The following FNDC3A variants were observed in gnomAD, a reference collection of about 807,000 sequenced individuals.
FNDC3A encodes the protein fibronectin type-III domain-containing protein 3A.
Under a neutral mutation model 148.9 loss-of-function variants are expected in FNDC3A, and 32 were observed. That is an observed-to-expected ratio of 0.21 (90% confidence interval 0.16 to 0.29). The LOEUF (loss-of-function observed/expected upper bound fraction) is 0.29. Ranked by LOEUF, FNDC3A falls within the 10% of genes least tolerant of loss-of-function variation. FNDC3A has a pLI of 1.00. For synonymous variants in FNDC3A, 472 were observed against 473.6 expected (o/e 1.00, Z 0.04); for missense variants, 1,191 against 1,452.8 (o/e 0.82, Z 2.93).
intron 8 of FNDC3A, among the ~76,000 whole-genome samples, chr13:49,164,578 C>T (rs577763016): frequency 1.3e-5 from 2 of 152,098 alleles, no homozygotes; most frequent in Admixed American, 1.3e-4. Flanking sequence ...TCATATGTCA[C>T]ATAGGCTTTG....
At chr13:49,037,308 G>A (rs540367935) in intron 2 of FNDC3A, among the ~76,000 whole-genome samples, 6 of 152,158 alleles carry the variant, frequency 3.9e-5, no homozygotes, top group Non-Finnish European at 7.3e-5. Flanking sequence ...CCCCATGAAT[G>A]CTGAAGTAAT....
chr13:49,102,703 A>G (rs959951878), intron 3 of FNDC3A, among the ~76,000 whole-genome samples: 6 of 152,128 alleles, frequency 3.9e-5, no homozygotes, highest in African/African-American at 1.4e-4. Flanking sequence ...GTGTCAAACA[A>G]TTTTTCTATA....
intron 8 of FNDC3A, among the ~76,000 whole-genome samples, chr13:49,153,045 G>T (rs1883416197): frequency 6.6e-6 from 1 of 151,716 alleles, no homozygotes; most frequent in Non-Finnish European, 1.5e-5. Context: ...GTAATGGGAT[G>T]GCTGGGTCAA....
At chr13:49,015,816 T>C (rs1176872149) in intron 2 of FNDC3A, among the ~76,000 whole-genome samples, 3 of 151,476 alleles carry the variant, frequency 2.0e-5, no homozygotes, top group African/African-American at 7.3e-5. Flanking sequence ...GCATGAAGCG[T>C]TGTTGAATTT....
chr13:49,158,168 G>A (rs1883838099), intron 8 of FNDC3A, among the ~76,000 whole-genome samples: 1 of 152,184 alleles, frequency 6.6e-6, no homozygotes, highest in Admixed American at 6.5e-5. Flanking sequence ...CTAGCAATCT[G>A]TGAGACTCCG....
intron 1 of FNDC3A, among the ~76,000 whole-genome samples, chr13:48,990,365 ACTGGAAGTGGTAACTAT>A (rs1951890426): frequency 6.6e-6 from 1 of 152,092 alleles, no homozygotes. Context: ...AGTTTAGAGT[ACTGGAAGTGGTAACTAT>A]CTGGGCAAAT....
At chr13:49,009,147 C>G (rs1039992542) in intron 2 of FNDC3A, among the ~76,000 whole-genome samples, 3 of 152,170 alleles carry the variant, frequency 2.0e-5, no homozygotes, top group Non-Finnish European at 4.4e-5. Context: ...TTTACTCCCC[C>G]CAAATCCTTG....
At chr13:49,096,226 G>A (rs1483856007) in intron 3 of FNDC3A, among the ~76,000 whole-genome samples, 1 of 152,070 alleles carries the variant, frequency 6.6e-6, no homozygotes, top group African/African-American at 2.4e-5. Context: ...TTGCAGGACA[G>A]GATTTCTTTA....
chr13:49,131,281 C>T lies in FNDC3A; in HGVS notation c.397C>T (p.Pro133Ser). The T allele has an allele frequency of 6.2e-7, 1 of 1,614,070 alleles. No homozygotes were observed. Among genetic ancestry groups the T allele is most frequent in the Non-Finnish European group, 8.5e-7 (1 of 1,180,008 alleles). Residue 133 changes from proline (P) to serine (S), a missense_variant, in exon 5 of 26, where the codon CCA (proline) becomes TCA (serine). Pro to Ser is a moderately conservative substitution (Grantham distance 74, BLOSUM62 -1). Coordinates refer to ENST00000492622, the MANE Select transcript of FNDC3A (RefSeq NM_001079673.2). ...TGTCCCAACTATGATGCCGCCTCCA[C>T]CACGTCATATGTACTCACCCGTGAC... is the stretch of plus-strand genomic sequence containing the variant. The part of the protein sequence containing the change: ...IPVPTMMPPP[P>S]RHMYSPVTGA...
At chr13:48,997,519 G>A (rs1190865246) in intron 1 of FNDC3A, among the ~76,000 whole-genome samples, 1 of 152,086 alleles carries the variant, frequency 6.6e-6, no homozygotes, top group African/African-American at 2.4e-5. Context: ...AGATAATTTG[G>A]CTTAGAGGAG....
chr13:49,016,262 T>A (rs1269413280), intron 2 of FNDC3A, among the ~76,000 whole-genome samples: 1 of 152,162 alleles, frequency 6.6e-6, no homozygotes, highest in Non-Finnish European at 1.5e-5. Context: ...AAGCTATTGA[T>A]TATTGCCACA....
intron 1 of FNDC3A, among the ~76,000 whole-genome samples, chr13:48,981,497 A>T (rs2137545401): frequency 6.6e-6 from 1 of 151,272 alleles, no homozygotes; most frequent in Non-Finnish European, 1.5e-5. Context: ...TTTTTTTAAG[A>T]CCAGAGTTCA....
intron 8 of FNDC3A, among the ~76,000 whole-genome samples, chr13:49,165,081 T>C (rs1307334769): frequency 6.6e-6 from 1 of 152,234 alleles, no homozygotes; most frequent in East Asian, 1.9e-4. Context: ...TTCTAAATTA[T>C]TTGTATTGCT....
chr13:49,087,166 A>G, intron 3 of FNDC3A, among the ~76,000 whole-genome samples: 1 of 152,130 alleles, frequency 6.6e-6, no homozygotes, highest in East Asian at 1.9e-4. Context: ...TGGAAGTATA[A>G]AATCTAAGCC....
chr13:49,110,284 T>C lies in FNDC3A; in HGVS notation c.176-4371T>C, dbSNP rs1880472763. On this transcript the variant is annotated intron_variant, in intron 3 of 25. Transcript: ENST00000492622. Reference sequence around the variant, plus strand: ...CACGTGACTCGGTCAAAGGATCTTTTCCTCTTACAGCCTTGCAAAAAAAAA... The same window carrying C: ...CACGTGACTCGGTCAAAGGATCTTTCCCTCTTACAGCCTTGCAAAAAAAAA... 1.2e-5 allele frequency: 17 copies of C among 1,474,800 alleles called. No homozygotes were observed. The South Asian group carries it at 2.3e-4, about 20-fold the overall frequency. The allele number at this position is 1,474,800 out of a possible 1,614,324, so 91.4% of individuals were successfully genotyped here. A position where few individuals can be genotyped will look rare whatever the true frequency, so the allele number is the denominator to read the frequency against.
intron 2 of FNDC3A, among the ~76,000 whole-genome samples, chr13:49,051,835 A>G (rs920524681): frequency 6.6e-6 from 1 of 152,184 alleles, no homozygotes; most frequent in African/African-American, 2.4e-5. Flanking sequence ...CGTTTAACAT[A>G]GTCCCAAACT....
intron 2 of FNDC3A, among the ~76,000 whole-genome samples, chr13:49,057,731 T>C (rs865902024): frequency 2.0e-5 from 3 of 152,324 alleles, no homozygotes; most frequent in Middle Eastern, 3.4e-3. Flanking sequence ...AATATCAAAC[T>C]AAGCATATAT....
rs536613348 is a variant in FNDC3A, at chr13:49,208,880, T to G, written c.*1485T>G. 1.3e-5 allele frequency: 2 copies of G among 152,712 alleles called. No individual in the cohort carries two copies. The highest frequency in any genetic ancestry group is 6.5e-5 in the Admixed American group (1 of 15,290). 9.5% of individuals were successfully genotyped at this position (152,712 alleles called of 1,614,324 possible). A position where few individuals can be genotyped will look rare whatever the true frequency, so the allele number is the denominator to read the frequency against. ...TCAGTCTTTGAAAAAAGAACGTATT[T>G]TTTGTGCTTTGAAGATCTCTGAAGA... On this transcript the variant is annotated 3_prime_UTR_variant, in exon 26 of 26. Coordinates refer to ENST00000492622, the MANE Select transcript of FNDC3A (RefSeq NM_001079673.2).
intron 2 of FNDC3A, among the ~76,000 whole-genome samples, chr13:49,029,523 A>G (rs902665141): frequency 1.3e-5 from 2 of 152,344 alleles, no homozygotes; most frequent in East Asian, 1.9e-4. Context: ...TAAAAAGAAG[A>G]TAAAACTAAA....
Sources: allele counts gnomAD v4.1 joint callset (sites outside exome capture counted in the v4.1 genomes callset), GRCh38; gene constraint gnomAD v4.1.1; transcripts MANE v1.5; gene names NCBI Gene and HGNC (gene_info 2026-07-23, HGNC 2026-07-21).